Variants in PKIB observed in about 807,000 individuals in gnomAD.
PKIB encodes the protein PKI-beta.
PKIB carries 2 observed loss-of-function variants against 4.5 expected under a neutral mutation model. The ratio of observed to expected loss-of-function variants is 0.44; its 90% CI spans 0.18 to 1.39. PKIB has a LOEUF of 1.39. Ranked by LOEUF, PKIB falls within the 40% of genes most tolerant of loss-of-function variation. The pLI, the probability that PKIB is intolerant of heterozygous loss-of-function variation, is 0.27. For missense variants in PKIB, 94 were observed against 92.6 expected (o/e 1.02, Z -0.06); for synonymous variants, 38 against 36.0 (o/e 1.06, Z -0.20).
At chr6:122,664,569 G>A (rs1244488402) in intron 2 of PKIB, among the ~76,000 whole-genome samples, 1 of 152,006 alleles carries the variant, frequency 6.6e-6, no homozygotes. Flanking sequence ...GTGCCACCAT[G>A]TCCAGCTAAT....
chr6:122,531,780 A>G (rs527357319), intron 2 of PKIB, among the ~76,000 whole-genome samples: 13 of 152,320 alleles, frequency 8.5e-5, no homozygotes, highest in Admixed American at 7.8e-4. Context: ...TTCAAATACT[A>G]GACTGTGAAT....
At chr6:122,506,072 A>G (rs1386670687) in intron 2 of PKIB, among the ~76,000 whole-genome samples, 2 of 152,156 alleles carry the variant, frequency 1.3e-5, no homozygotes, top group African/African-American at 4.8e-5. Flanking sequence ...TTTGGTAAAC[A>G]CTTTTTTTTA....
At chr6:122,543,355 C>CTTTTTTTTT (rs34068830) in intron 2 of PKIB, among the ~76,000 whole-genome samples, 2 of 138,806 alleles carry the variant, frequency 1.4e-5, no homozygotes, top group African/African-American at 5.4e-5. Flanking sequence ...CCACCCCCTC[C>CTTTTTTTTT]TTTTTTTTTT....
intron 3 of PKIB, among the ~76,000 whole-genome samples, chr6:122,594,451 C>T (rs1052338990): frequency 1.6e-4 from 25 of 152,050 alleles, no homozygotes; most frequent in African/African-American, 5.1e-4. Flanking sequence ...ATGATCTGCC[C>T]GCCTCAGCCT....
intron 3 of PKIB, among the ~76,000 whole-genome samples, chr6:122,699,448 GA>G (rs2115022050): frequency 6.6e-6 from 1 of 150,758 alleles, no homozygotes; most frequent in African/African-American, 2.4e-5. Flanking sequence ...CAGTTTGTTG[GA>G]AATAGGGACC....
intron 3 of PKIB, among the ~76,000 whole-genome samples, chr6:122,592,790 CT>C (rs1233854630): frequency 5.9e-5 from 9 of 152,278 alleles, no homozygotes; most frequent in African/African-American, 9.6e-5. Flanking sequence ...TACAGCAGTG[CT>C]TTTCAAACTT....
chr6:122,531,005 T>C (rs954378149), intron 2 of PKIB: 16 of 152,352 alleles, frequency 1.1e-4, no homozygotes, highest in South Asian at 2.1e-4. Flanking sequence ...TATTCTGTTA[T>C]TGTCAACTCA....
intron 2 of PKIB, among the ~76,000 whole-genome samples, chr6:122,561,127 C>T (rs189225741): frequency 7.1e-4 from 108 of 151,852 alleles, no homozygotes; most frequent in African/African-American, 2.4e-3. Context: ...TGAGGTATGA[C>T]CTTAGAATGT....
chr6:122,524,464 TTGTC>T (rs1000282442), intron 2 of PKIB, among the ~76,000 whole-genome samples: 48 of 152,186 alleles, frequency 3.2e-4, no homozygotes, highest in African/African-American at 1.1e-3. Flanking sequence ...TGTAGTGCCT[TTGTC>T]TGGCTTTGGT....
At chr6:122,593,063 G>T (rs565263627) in intron 3 of PKIB, among the ~76,000 whole-genome samples, 1 of 152,146 alleles carries the variant, frequency 6.6e-6, no homozygotes, top group African/African-American at 2.4e-5. Flanking sequence ...GATGGTTAAG[G>T]TGTGTGGTGT....
intron 3 of PKIB, among the ~76,000 whole-genome samples, chr6:122,682,729 C>T (rs570225107): frequency 6.6e-6 from 1 of 152,278 alleles, no homozygotes; most frequent in African/African-American, 2.4e-5. Context: ...CAAAGAGAGA[C>T]TTCTGCTGTC....
chr6:122,615,950 T>G (rs778189144), intron 1 of PKIB, among the ~76,000 whole-genome samples: 13 of 152,198 alleles, frequency 8.5e-5, no homozygotes, highest in Non-Finnish European at 1.8e-4. Flanking sequence ...GTTAAGTCAC[T>G]CAGTTTGTGG....
chr6:122,694,252 CA>C (rs35899803), intron 3 of PKIB, among the ~76,000 whole-genome samples: 35,058 of 151,992 alleles, frequency 0.23, 4,365 homozygotes, highest in Non-Finnish European at 0.26. Context: ...GCTTGTAATG[CA>C]TATGATGTCA....
At chr6:122,645,305 G>C (rs918067745) in intron 2 of PKIB, among the ~76,000 whole-genome samples, 2 of 152,184 alleles carry the variant, frequency 1.3e-5, no homozygotes, top group Non-Finnish European at 2.9e-5. Flanking sequence ...TAGAGGATGG[G>C]GTTAGTTTGT....
intron 1 of PKIB, among the ~76,000 whole-genome samples, chr6:122,628,683 T>C (rs1269136889): frequency 6.6e-6 from 1 of 151,884 alleles, no homozygotes; most frequent in East Asian, 1.9e-4. Flanking sequence ...TCATACTTTA[T>C]TGGACTGCAC....
At chr6:122,593,669 G>A (rs1774082250) in intron 3 of PKIB, among the ~76,000 whole-genome samples, 1 of 152,124 alleles carries the variant, frequency 6.6e-6, no homozygotes, top group African/African-American at 2.4e-5. Context: ...AGTTAAGACT[G>A]ATTTCATTCA....
At position 122,533,144 on chromosome 6, in the gene PKIB, CTTTTTATTTATT is replaced by C. The variant is rs1331862875; in HGVS notation, c.-247-52775_-247-52764del. Among the ~76,000 whole-genome samples, 90 of 147,362 alleles carry C rather than the reference CTTTTTATTTATT, an allele frequency of 6.1e-4. 1 individual carries two copies. Among genetic ancestry groups the C allele is most frequent in the South Asian group, 1.3e-3 (6 of 4,632 alleles). On this transcript the variant is annotated intron_variant, in intron 2 of 6. Transcript: ENST00000392491. ...TGATAGTGTCCTTTGATGCACAAAA[CTTTTTATTTATT>C]TATTTATTTATTTATTTATTTATTT...
At chr6:122,488,203 CAT>C (rs946830399) in intron 2 of PKIB, among the ~76,000 whole-genome samples, 3 of 151,518 alleles carry the variant, frequency 2.0e-5, no homozygotes, top group African/African-American at 7.3e-5. Flanking sequence ...CTTTTTCTTT[CAT>C]ATATATATAT....
intron 2 of PKIB, chr6:122,482,002 AGGCTGG>A (rs1775629829): frequency 2.1e-5 from 3 of 142,234 alleles, no homozygotes; most frequent in Non-Finnish European, 4.5e-5. Flanking sequence ...GCGGTAGCCC[AGGCTGG>A]AATGCAGTGG....
Sources: gnomAD v4.1 joint callset for allele counts (sites outside exome capture counted in the v4.1 genomes callset) on GRCh38, gnomAD v4.1.1 for gene constraint, MANE v1.5 for transcripts, NCBI Gene and HGNC (gene_info 2026-07-23, HGNC 2026-07-21) for gene names.